SGCD: variants seen among roughly 807,000 people sequenced by gnomAD.
SGCD encodes the protein sarcoglycan delta.
In SGCD, 18 loss-of-function variants were observed where a neutral mutation model predicts 36.6. The observed-to-expected ratio is 0.49, with a 90% CI of 0.34 to 0.73. The LOEUF (loss-of-function observed/expected upper bound fraction) is 0.73. Ranked by LOEUF, SGCD falls within the 30% of genes least tolerant of loss-of-function variation. SGCD has a pLI of 0.01. For missense variants in SGCD, 387 were observed against 346.7 expected (o/e 1.12, Z -0.92); for synonymous variants, 133 against 130.6 (o/e 1.02, Z -0.12).
intron 3 of SGCD, among the ~76,000 whole-genome samples, chr5:156,503,492 C>T (rs914826032): frequency 7.2e-5 from 11 of 152,086 alleles, no homozygotes; most frequent in Non-Finnish European, 1.6e-4. Flanking sequence ...ACCCAGTAAG[C>T]TAAAATCAAA....
chr5:155,968,085 T>C (rs372261697), intron 1 of SGCD, among the ~76,000 whole-genome samples: 2 of 152,136 alleles, frequency 1.3e-5, no homozygotes, highest in African/African-American at 4.8e-5. Flanking sequence ...GATGTGTTGG[T>C]CATTTTTTAT....
At chr5:156,017,425 A>C (rs1561683862) in intron 1 of SGCD, among the ~76,000 whole-genome samples, 1 of 152,044 alleles carries the variant, frequency 6.6e-6, no homozygotes, top group Non-Finnish European at 1.5e-5. Context: ...TACCTAGGTT[A>C]TAGAGGAATT....
chr5:156,306,247 A>T (rs749028470), intron 3 of SGCD, among the ~76,000 whole-genome samples: 2 of 152,122 alleles, frequency 1.3e-5, no homozygotes, highest in Non-Finnish European at 2.9e-5. Flanking sequence ...GGTGGGAGGT[A>T]ACTGAATCAT....
chr5:156,455,589 A>T (rs1358906931), intron 3 of SGCD, among the ~76,000 whole-genome samples: 2 of 152,066 alleles, frequency 1.3e-5, no homozygotes, highest in Non-Finnish European at 2.9e-5. Context: ...GTGATTCTCA[A>T]GCCTCTGCTG....
intron 1 of SGCD, among the ~76,000 whole-genome samples, chr5:155,975,033 A>C (rs1159965451): frequency 6.6e-6 from 1 of 152,138 alleles, no homozygotes; most frequent in Non-Finnish European, 1.5e-5. Flanking sequence ...CTTCTGTGTC[A>C]TGCCTCCTGG....
Position 156,037,607 on chromosome 5 carries a change from T to C in SGCD, c.-281-80271T>C, listed in dbSNP as rs796634582. On this transcript the variant is annotated intron_variant, in intron 1 of 9. Coordinates refer to the SGCD transcript ENST00000517913. ...CATCTTTAAAGATTCCACTCATAGA[T>C]TAGGTAGCTTGTTGATGGCTGTGAT... Among the ~76,000 whole-genome samples the C allele has an allele frequency of 1.2e-4, 19 of 152,332 alleles. 1 individual carries two copies. The highest frequency in any genetic ancestry group is 3.8e-4 in the African/African-American group (16 of 41,572).
At chr5:155,860,451 CTTATAG>C in the SGCD span, among the ~76,000 whole-genome samples, 1 of 152,122 alleles carries the variant, frequency 6.6e-6, no homozygotes, top group Admixed American at 6.5e-5. Context: ...TAAAGTTTTA[CTTATAG>C]TTACTTTTCC....
chr5:156,630,406 CCT>C (rs1372719012), intron 6 of SGCD, among the ~76,000 whole-genome samples: 1 of 152,124 alleles, frequency 6.6e-6, no homozygotes, highest in Non-Finnish European at 1.5e-5. Context: ...CTTATGATTC[CCT>C]GTTTCTAAAC....
intron 3 of SGCD, among the ~76,000 whole-genome samples, chr5:156,158,754 A>G (rs1419615879): frequency 6.6e-6 from 1 of 151,600 alleles, no homozygotes; most frequent in African/African-American, 2.4e-5. Context: ...TTTATTTAGC[A>G]GGCACTTAGA....
chr5:156,305,597 G>T (rs1307887593), intron 3 of SGCD, among the ~76,000 whole-genome samples: 1 of 152,150 alleles, frequency 6.6e-6, no homozygotes, highest in Non-Finnish European at 1.5e-5. Flanking sequence ...CCACACAGAG[G>T]CCCTACTGAG....
chr5:156,761,548 G>A lies in SGCD; in HGVS notation c.*2158G>A, dbSNP rs1159663650. 6.6e-6 allele frequency: 1 copy of A among 152,118 alleles called. No individual in the cohort carries two copies. Among genetic ancestry groups the A allele is most frequent in the Non-Finnish European group, 1.5e-5 (1 of 68,032 alleles). 9.4% of individuals were successfully genotyped at this position (152,118 alleles called of 1,614,324 possible). On this transcript the variant is annotated 3_prime_UTR_variant, in exon 9 of 9. Coordinates refer to ENST00000337851, the MANE Select transcript of SGCD (RefSeq NM_000337.6). ...AGGAAACGCCCTCCTTGGCTACTAG[G>A]AGCACCTATCCCATATCATTCAGAT...
chr5:156,046,211 A>T (rs562120686), intron 1 of SGCD, among the ~76,000 whole-genome samples: 1 of 152,138 alleles, frequency 6.6e-6, no homozygotes, highest in Non-Finnish European at 1.5e-5. Context: ...ACTAGAATTA[A>T]TGAAACAGAA....
At chr5:156,271,635 G>T (rs965802224) in intron 3 of SGCD, among the ~76,000 whole-genome samples, 1 of 151,858 alleles carries the variant, frequency 6.6e-6, no homozygotes, top group East Asian at 1.9e-4. Flanking sequence ...GTGTGTGTAT[G>T]TGTGTGTGTG....
At chr5:155,973,025 G>A in intron 1 of SGCD, among the ~76,000 whole-genome samples, 1 of 152,000 alleles carries the variant, frequency 6.6e-6, no homozygotes, top group Non-Finnish European at 1.5e-5. Context: ...CTTGTGCCAT[G>A]CCAATTTTAA....
At chr5:156,339,280 A>T (rs1768520628) in intron 2 of SGCD, among the ~76,000 whole-genome samples, 1 of 152,202 alleles carries the variant, frequency 6.6e-6, no homozygotes, top group East Asian at 1.9e-4. Flanking sequence ...GAAACAGATG[A>T]TCCTTAAGTC....
the SGCD span, among the ~76,000 whole-genome samples, chr5:155,738,975 AT>A: frequency 6.6e-6 from 1 of 152,050 alleles, no homozygotes; most frequent in Non-Finnish European, 1.5e-5. Context: ...GAGAGAAAAA[AT>A]ATTAGGAAAC....
At chr5:156,605,388 T>C (rs909190123) in intron 6 of SGCD, among the ~76,000 whole-genome samples, 2 of 152,224 alleles carry the variant, frequency 1.3e-5, no homozygotes, top group African/African-American at 4.8e-5. Flanking sequence ...ACTCATCATT[T>C]TTTATGGCTG....
intron 3 of SGCD, among the ~76,000 whole-genome samples, chr5:156,426,146 A>G (rs1023632225): frequency 5.3e-5 from 8 of 152,062 alleles, no homozygotes; most frequent in African/African-American, 1.7e-4. Context: ...ACTGTTTTCA[A>G]TAGTGGTTAT....
intron 1 of SGCD, among the ~76,000 whole-genome samples, chr5:156,114,140 A>T (rs747081288): frequency 2.6e-5 from 4 of 152,104 alleles, no homozygotes; most frequent in Admixed American, 6.6e-5. Context: ...CCTAATGTAA[A>T]TTATGGGTTT....
Sources: gnomAD v4.1 joint callset for allele counts (sites outside exome capture counted in the v4.1 genomes callset) on GRCh38, gnomAD v4.1.1 for gene constraint, MANE v1.5 for transcripts, NCBI Gene and HGNC (gene_info 2026-07-23, HGNC 2026-07-21) for gene names.